The following CPT1C variants were observed in gnomAD, a reference collection of about 807,000 sequenced individuals.
The protein encoded by CPT1C is carnitine palmitoyltransferase 1C.
CPT1C carries 61 observed loss-of-function variants against 97.3 expected under a neutral mutation model. The ratio of observed to expected loss-of-function variants is 0.63; its 90% CI spans 0.51 to 0.78. The LOEUF (loss-of-function observed/expected upper bound fraction) is 0.78. Ranked by LOEUF, CPT1C falls within the 30% of genes least tolerant of loss-of-function variation. The probability of loss-of-function intolerance (pLI) is 0.00; values close to 1 mark genes in which losing one functional copy is unlikely to be tolerated. For missense variants in CPT1C, 975 were observed against 1,065.5 expected, an observed-to-expected ratio of 0.92 and a Z score of 1.18; for synonymous variants, 469 against 447.2, an observed-to-expected ratio of 1.05 and a Z score of -0.61.
In CPT1C at chr19:49,713,581, C is replaced by G. The variant is rs564093814; in HGVS notation, c.2388C>G (p.Ala796=). The G allele has an allele frequency of 1.4e-5, 23 of 1,612,362 alleles. No homozygotes were observed. The highest frequency in any genetic ancestry group is 1.9e-5 in the Non-Finnish European group (22 of 1,179,282). Residue 796 remains alanine, a synonymous_variant, in exon 20 of 20, where the codon GCC becomes GCG. Coordinates refer to ENST00000598293, the MANE Select transcript of CPT1C (RefSeq NM_001199753.2). ...FLSRQTGASK[A]SMTSTDF Reference sequence around the variant, plus strand: ...CCCGCCAGACTGGGGCCTCCAAGGCCTCAATGACATCCACCGACTTCTGAC... The same window carrying G: ...CCCGCCAGACTGGGGCCTCCAAGGCGTCAATGACATCCACCGACTTCTGAC...
chr19:49,693,175 G>A (rs1250401549), intron 3 of CPT1C, among the ~76,000 whole-genome samples: 2 of 152,156 alleles, frequency 1.3e-5, no homozygotes, highest in Non-Finnish European at 2.9e-5. Flanking sequence ...ACCGCGCCCG[G>A]CCCAAACTCC....
At position 49,710,734 on chromosome 19, in the gene CPT1C, A is replaced by G. The variant is rs2083816634; in HGVS notation, c.1743A>G (p.Gln581=). 1 of 1,613,138 alleles carries G rather than the reference A, an allele frequency of 6.2e-7. No homozygotes were observed. The highest frequency in any genetic ancestry group is 2.2e-5 in the East Asian group (1 of 44,836). ...LQLAHFRDRG[Q]FCLTYESAMT... ...TCCCTGTCCCCCAGGACAGGGGTCAATTCTGCCTGACTTATGAGTCGGCCA... is the reference window on the plus strand; with the variant it reads ...TCCCTGTCCCCCAGGACAGGGGTCAGTTCTGCCTGACTTATGAGTCGGCCA... The change falls in exon 16 of 20, where the codon CAA becomes CAG. Residue 581 remains glutamine (Q), a synonymous_variant. Coordinates refer to ENST00000598293, the MANE Select transcript of CPT1C (RefSeq NM_001199753.2).
At position 49,702,022 on chromosome 19, in the gene CPT1C, AAAT is replaced by A. The variant is rs1376631734; in HGVS notation, c.693+389_693+391del. 4.0e-5 allele frequency among the ~76,000 whole-genome samples: 2 copies of A among 49,696 alleles called. 1 individual carries two copies. Among genetic ancestry groups the A allele is most frequent in the African/African-American group, 2.5e-4 (2 of 7,942 alleles). 32.6% of individuals were successfully genotyped at this position (49,696 alleles called of 152,430 possible). A position where few individuals can be genotyped will look rare whatever the true frequency, so the allele number is the denominator to read the frequency against. The stretch of plus-strand genomic sequence containing the variant: ...AAATATATTAAATATATTTATTTAT[AAAT>A]TATAAATATATATTTATTTATAAAT... On this transcript the variant is annotated intron_variant, in intron 7 of 19. Transcript: ENST00000598293.
chr19:49,691,445 CGCTCACAGCCTCA>C (rs1385630772), intron 1 of CPT1C, 105 bp downstream of exon 1: 5 of 152,024 alleles, frequency 3.3e-5, no homozygotes, highest in African/African-American at 1.2e-4. Context: ...CGCTCGCCTC[CGCTCACAGCCTCA>C]GCATCCCAGG....
At chr19:49,691,524 G>A (rs1488382231) in intron 1 of CPT1C, 184 bp downstream of exon 1, 1 of 152,178 alleles carries the variant, frequency 6.6e-6, no homozygotes, top group Non-Finnish European at 1.5e-5. Flanking sequence ...CACGGGCGGG[G>A]GGAGGGGACG....
chr19:49,710,592 A>G (rs1600146206), intron 15 of CPT1C, 108 bp downstream of exon 15: 2 of 1,569,970 alleles, frequency 1.3e-6, no homozygotes, highest in Non-Finnish European at 1.7e-6. Context: ...TGGGTCGGCC[A>G]TCTTGAATTC....
At position 49,705,201 on chromosome 19, in the gene CPT1C, C is replaced by T. The variant is rs1459927638; in HGVS notation, c.880-13C>T. 54 of 1,613,994 alleles carry T rather than the reference C, an allele frequency of 3.3e-5. No homozygotes were observed. Among genetic ancestry groups the T allele is most frequent in the Non-Finnish European group, 3.8e-5 (45 of 1,179,992 alleles). On this transcript the variant is annotated splice_polypyrimidine_tract_variant and intron_variant, in intron 9 of 19. Coordinates refer to ENST00000598293, the MANE Select transcript of CPT1C (RefSeq NM_001199753.2). ...GTCCTGGAAGGCAGCTCACAGCCCA[C>T]GGTTTCCTGCAGACTTTGCTGATGG...
Position 49,692,332 on chromosome 19 carries a change from T to C in CPT1C, c.80T>C (p.Val27Ala), listed in dbSNP as rs2082401605. 5 of 1,613,972 alleles carry C rather than the reference T, an allele frequency of 3.1e-6. No individual in the cohort carries two copies. The South Asian group carries it at 4.4e-5, about 14-fold the overall frequency. The change falls in exon 3 of 20, where the codon GTG becomes GCG. Residue 27 changes from valine to alanine, a missense_variant. By Grantham distance (64) the Val-to-Ala change is moderately conservative. Coordinates refer to ENST00000598293, the MANE Select transcript of CPT1C (RefSeq NM_001199753.2). ...DGAEVELSAP[V>A]LQEIYLSGLR... ...GCTGAAGTGGAACTCAGTGCCCCTG[T>C]GCTGCAGGAGATCTACCTCTCTGGC... is the stretch of plus-strand genomic sequence containing the variant.
At position 49,704,702 on chromosome 19, in the gene CPT1C, G is replaced by A. The variant is rs565574975; in HGVS notation, c.694-8G>A. 29 of 1,603,768 alleles carry A rather than the reference G, an allele frequency of 1.8e-5. No homozygotes were observed. Among genetic ancestry groups the A allele is most frequent in the Admixed American group, 1.0e-4 (6 of 59,750 alleles). On this transcript the variant is annotated splice_region_variant and splice_polypyrimidine_tract_variant and intron_variant, in intron 7 of 19. Coordinates refer to ENST00000598293, the MANE Select transcript of CPT1C (RefSeq NM_001199753.2). Reference sequence around the variant, plus strand: ...CCCTCACTGTGTGTCTCCCCACCCCGCTCCCAGGTCAGTGACTGGTGGGAG... The same window carrying A: ...CCCTCACTGTGTGTCTCCCCACCCCACTCCCAGGTCAGTGACTGGTGGGAG...
chr19:49,700,751 G>T lies in CPT1C; in HGVS notation c.349G>T (p.Ala117Ser), dbSNP rs1399028646. The T allele has an allele frequency of 1.9e-6, 3 of 1,612,956 alleles. No homozygotes were observed. Among genetic ancestry groups the T allele is most frequent in the African/African-American group, 2.7e-5 (2 of 75,038 alleles). Residue 117 changes from alanine to serine, a missense_variant, in exon 5 of 20, where the codon GCC becomes TCC. Transcript: ENST00000598293. ...AALFASCLWG[A>S]LIFTLHVALR... ...GCTGTTTGCCTCGTGTTTGTGGGGA[G>T]CCCTGATCTTCACACTGCACGTGGC...
chr19:49,699,789 C>T (rs911270926), intron 4 of CPT1C, among the ~76,000 whole-genome samples: 1 of 152,100 alleles, frequency 6.6e-6, no homozygotes, highest in Non-Finnish European at 1.5e-5. Context: ...ACCCTCTCTA[C>T]TAAAAATGCA....
In CPT1C at chr19:49,703,634, C is replaced by G. The variant is rs1424612001; in HGVS notation, c.694-1076C>G. On this transcript the variant is annotated intron_variant, in intron 7 of 19. Coordinates refer to ENST00000598293, the MANE Select transcript of CPT1C (RefSeq NM_001199753.2). ...CTTCCTTCCTTCTCTCTTTCTCTCT[C>G]TTTCCTTTTTCTTTCTTGGAAGGGG... is the stretch of plus-strand genomic sequence containing the variant. 3.7e-5 allele frequency among the ~76,000 whole-genome samples: 4 copies of G among 107,160 alleles called. No homozygotes were observed. The East Asian group carries it at 1.2e-3, about 31-fold the overall frequency. 70.3% of individuals were successfully genotyped at this position (107,160 alleles called of 152,430 possible).
chr19:49,706,098 C>T lies in CPT1C; in HGVS notation c.1154C>T (p.Ala385Val). ...GAACATCTGGCAGCTCTGACAGCTG[C>T]TCCCAGGTAAGGGTCAGGGGTCAGG... ...HEEHLAALTA[A>V]PRGTWAQVRT... Residue 385 changes from alanine to valine, a missense_variant, in exon 11 of 20, where the codon GCT becomes GTT. Around this residue, in one of 3 missense-constraint regions of CPT1C, gnomAD observed 596 missense variants for 603.1 expected, o/e 0.99. Coordinates refer to ENST00000598293, the MANE Select transcript of CPT1C (RefSeq NM_001199753.2). The surrounding 1 kb of genome is among the most constrained non-coding windows in gnomAD (Gnocchi z 4.8). 6.2e-7 allele frequency: 1 copy of T among 1,612,882 alleles called. No individual in the cohort carries two copies. Among genetic ancestry groups the T allele is most frequent in the Middle Eastern group, 1.7e-4 (1 of 6,048 alleles).
At chr19:49,712,377 A>G in intron 17 of CPT1C, 1 of 328,970 alleles carries the variant, frequency 3.0e-6, no homozygotes, top group Non-Finnish European at 5.6e-6. Context: ...GATGTTGAGA[A>G]AGGATGCGTC....
chr19:49,711,514 C>T, intron 16 of CPT1C: 1 of 427,104 alleles, frequency 2.3e-6, no homozygotes, highest in East Asian at 4.2e-5. Context: ...TGCCCTGCAC[C>T]TCTTCTCCCT....
chr19:49,704,831 T>C (rs759384307), intron 8 of CPT1C, 44 bp downstream of exon 8: 2 of 1,569,024 alleles, frequency 1.3e-6, no homozygotes, highest in Non-Finnish European at 1.8e-6. Context: ...AGGTCTAGGG[T>C]TGGGGGGTAC....
Position 49,697,364 on chromosome 19 carries a change from C to CA in CPT1C, c.181dup (p.Ser61LysfsTer33). 1 of 1,614,128 alleles carries CA rather than the reference C, an allele frequency of 6.2e-7. No individual in the cohort carries two copies. ...CCGGTGTGTTTCCTGCCAGCCCCCTCAGTTGGCTTTTCCTCTTCAGTGCCA... is the reference window on the plus strand; with the variant it reads ...CCGGTGTGTTTCCTGCCAGCCCCCTCAAGTTGGCTTTTCCTCTTCAGTGCCA... On this transcript the variant is annotated frameshift_variant, in exon 4 of 20. Transcript: ENST00000598293. LOFTEE classifies it high-confidence loss of function.
At position 49,694,718 on chromosome 19, in the gene CPT1C, T is replaced by C. The variant is rs149964034; in HGVS notation, c.141+2325T>C. On this transcript the variant is annotated intron_variant, in intron 3 of 19. Coordinates refer to ENST00000598293, the MANE Select transcript of CPT1C (RefSeq NM_001199753.2). ...TTCAGCAGGCTAAACTGAACCTCTGTGGTCTTGTTGGTTGTATAATCTGTT... is the reference window on the plus strand; with the variant it reads ...TTCAGCAGGCTAAACTGAACCTCTGCGGTCTTGTTGGTTGTATAATCTGTT... 2.5e-4 allele frequency among the ~76,000 whole-genome samples: 38 copies of C among 151,618 alleles called. No individual in the cohort carries two copies. In the East Asian group the frequency reaches 5.0e-3, roughly 20 times the overall value.
At chr19:49,712,639 G>C (rs994508369) in intron 17 of CPT1C, 97 bp from the exon 18 acceptor site, 6 of 878,204 alleles carry the variant, frequency 6.8e-6, no homozygotes, top group East Asian at 5.1e-5. Context: ...CCGGATTTAC[G>C]GGTAAAAAAA....
Sources: gnomAD v4.1 joint callset for allele counts (sites outside exome capture counted in the v4.1 genomes callset) on GRCh38, gnomAD v4.1.1 for gene constraint, gnomAD v4.1.1 regional missense constraint, Gnocchi (gnomAD v3.1) non-coding constraint, MANE v1.5 for transcripts, NCBI Gene and HGNC (gene_info 2026-07-23, HGNC 2026-07-21) for gene names.